WDR19: variants seen among roughly 807,000 people sequenced by gnomAD.
WDR19 encodes the protein WD repeat domain 19.
A neutral mutation model predicts 180.0 loss-of-function variants in WDR19; 121 were observed. The observed-to-expected ratio is 0.67, with a 90% CI of 0.58 to 0.78. WDR19 has a LOEUF of 0.78. Ranked by LOEUF, WDR19 falls within the 30% of genes least tolerant of loss-of-function variation. WDR19 has a pLI of 0.00. For missense variants in WDR19, 1,450 were observed against 1,640.7 expected, an observed-to-expected ratio of 0.88 and a Z score of 2.01; for synonymous variants, 497 against 540.7, an observed-to-expected ratio of 0.92 and a Z score of 1.12.
Position 39,230,512 on chromosome 4 carries a change from A to G in WDR19, c.1983-1285A>G, listed in dbSNP as rs1053411065. ...TGACGTCTCTAAGCCTCATTTTCCT[A>G]ATCTATAAAGGAGACATAATAATAA... is the stretch of plus-strand genomic sequence containing the variant. On this transcript the variant is annotated intron_variant, in intron 17 of 36. Coordinates refer to ENST00000399820, the MANE Select transcript of WDR19 (RefSeq NM_025132.4). Among the ~76,000 whole-genome samples the G allele has an allele frequency of 2.0e-5, 3 of 152,110 alleles. No homozygotes were observed. In the East Asian group the frequency reaches 5.8e-4, roughly 29 times the overall value.
intron 36 of WDR19, among the ~76,000 whole-genome samples, chr4:39,284,513 C>CT (rs913858554): frequency 6.9e-5 from 7 of 101,434 alleles, no homozygotes; most frequent in East Asian, 2.4e-4. Flanking sequence ...TTTTTTTTTT[C>CT]TTTTTTTTAG....
intron 23 of WDR19, 84 bp downstream of exon 23, chr4:39,244,636 C>G (rs1732321582): frequency 6.9e-7 from 1 of 1,446,652 alleles, no homozygotes; most frequent in Non-Finnish European, 9.6e-7. Flanking sequence ...CCTTGCCATG[C>G]TTTCTCTCTG....
intron 17 of WDR19, among the ~76,000 whole-genome samples, chr4:39,229,568 T>A (rs1730629529): frequency 1.3e-5 from 2 of 152,226 alleles, no homozygotes. Context: ...TGTTTTTTTC[T>A]CTTATCTCCT....
chr4:39,194,723 G>T (rs891113496), intron 5 of WDR19, 64 bp downstream of exon 5: 1 of 1,279,028 alleles, frequency 7.8e-7, no homozygotes, highest in Non-Finnish European at 1.1e-6. Flanking sequence ...AAATTCTGCC[G>T]CCTCAGGTTT....
intron 31 of WDR19, among the ~76,000 whole-genome samples, chr4:39,271,680 C>G (rs898511325): frequency 1.3e-5 from 2 of 152,160 alleles, no homozygotes; most frequent in Non-Finnish European, 2.9e-5. Context: ...CATATTTTTT[C>G]AAATATTCAT....
chr4:39,184,077 C>A (rs539527004), intron 1 of WDR19, among the ~76,000 whole-genome samples: 9 of 152,300 alleles, frequency 5.9e-5, no homozygotes, highest in Non-Finnish European at 1.3e-4. Flanking sequence ...CCCACCTCTA[C>A]TTTCAATAGA....
chr4:39,240,905 A>G (rs1577967136), intron 21 of WDR19, among the ~76,000 whole-genome samples: 1 of 151,574 alleles, frequency 6.6e-6, no homozygotes. Context: ...GCAGTGAGCC[A>G]AGATCATGCC....
chr4:39,240,826 C>A (rs925476709), intron 21 of WDR19, among the ~76,000 whole-genome samples: 1 of 151,532 alleles, frequency 6.6e-6, no homozygotes, highest in Admixed American at 6.6e-5. Flanking sequence ...CGTGGTGGTG[C>A]ACGCCTGTAG....
chr4:39,270,677 T>C (rs1410864462), intron 31 of WDR19, among the ~76,000 whole-genome samples: 1 of 151,730 alleles, frequency 6.6e-6, no homozygotes, highest in African/African-American at 2.4e-5. Context: ...CACGCTCAGC[T>C]TTCTTATATT....
intron 5 of WDR19, among the ~76,000 whole-genome samples, chr4:39,197,441 A>AAAAAG (rs1177695114): frequency 7.6e-6 from 1 of 132,282 alleles, no homozygotes. Context: ...AAAAAAAAAA[A>AAAAAG]AAAAGAAAGA....
intron 1 of WDR19, among the ~76,000 whole-genome samples, chr4:39,184,658 A>T (rs1577816325): frequency 6.6e-6 from 1 of 151,936 alleles, no homozygotes; most frequent in Non-Finnish European, 1.5e-5. Context: ...AGTAGAGACG[A>T]GGTTTCGCCA....
chr4:39,253,113 TA>T, intron 24 of WDR19, 32 bp from the exon 25 acceptor site: 2 of 1,545,382 alleles, frequency 1.3e-6, no homozygotes, highest in South Asian at 2.6e-5. Flanking sequence ...TTGACAGTGT[TA>T]AAAAAAGTTT....
At chr4:39,241,502 A>AAAAT (rs1731941784) in intron 21 of WDR19, among the ~76,000 whole-genome samples, 1 of 150,622 alleles carries the variant, frequency 6.6e-6, no homozygotes, top group African/African-American at 2.4e-5. Context: ...TCAAAAAAAA[A>AAAAT]AAAAAAAAGT....
intron 4 of WDR19, among the ~76,000 whole-genome samples, chr4:39,192,950 A>T (rs1381041529): frequency 2.0e-5 from 3 of 152,202 alleles, no homozygotes; most frequent in Non-Finnish European, 2.9e-5. Flanking sequence ...GATGGATTCC[A>T]AAGCCTAGCA....
chr4:39,257,476 C>G lies in WDR19; in HGVS notation c.3115-10C>G. On this transcript the variant is annotated splice_polypyrimidine_tract_variant and intron_variant, in intron 27 of 36. Transcript: ENST00000399820. ...CTGAAAATTTTTAATTGCTGTAATTCGCTTTTCAGGCACTTAAACACTTCC... is the reference window on the plus strand; with the variant it reads ...CTGAAAATTTTTAATTGCTGTAATTGGCTTTTCAGGCACTTAAACACTTCC... 1 of 1,569,358 alleles carries G rather than the reference C, an allele frequency of 6.4e-7. No individual in the cohort carries two copies. Among genetic ancestry groups the G allele is most frequent in the Non-Finnish European group, 8.6e-7 (1 of 1,156,346 alleles).
Position 39,189,777 on chromosome 4 carries a change from A to G in WDR19, c.286A>G (p.Met96Val), listed in dbSNP as rs371675778. ...TNKTSQLDNG[M>V]RDQMSFLLWS... ...TAAGACCAGCCAGTTAGACAATGGCATGAGGTAAGATAACTTTTTAATTTT... is the reference window on the plus strand; with the variant it reads ...TAAGACCAGCCAGTTAGACAATGGCGTGAGGTAAGATAACTTTTTAATTTT... The change falls in exon 4 of 37, where the codon ATG becomes GTG. Residue 96 changes from methionine (M) to valine (V), a missense_variant. Coordinates refer to ENST00000399820, the MANE Select transcript of WDR19 (RefSeq NM_025132.4). 3 of 1,595,664 alleles carry G rather than the reference A, an allele frequency of 1.9e-6. No individual in the cohort carries two copies. Among genetic ancestry groups the G allele is most frequent in the Non-Finnish European group, 2.6e-6 (3 of 1,174,806 alleles).
At chr4:39,218,225 G>A in intron 14 of WDR19, 120 bp downstream of exon 14, 1 of 1,231,430 alleles carries the variant, frequency 8.1e-7, no homozygotes, top group Non-Finnish European at 1.1e-6. Context: ...AATTAATGAA[G>A]TTATCTGTGA....
chr4:39,242,857 A>C (rs13115584), intron 21 of WDR19, among the ~76,000 whole-genome samples: 1 of 151,822 alleles, frequency 6.6e-6, no homozygotes, highest in East Asian at 2.0e-4. Context: ...TGGTAGAGAC[A>C]GGGTTTTGCC....
chr4:39,278,067 ATT>A lies in WDR19; in HGVS notation c.3841-63_3841-62del. On this transcript the variant is annotated intron_variant, in intron 34 of 36. Coordinates refer to ENST00000399820, the MANE Select transcript of WDR19 (RefSeq NM_025132.4). ...AGATTCCGTCAAAAAAAAAAAAAAA[ATT>A]GACTAACAGTGGGAGTTTTTAAAAT... 3 of 1,399,022 alleles carry A rather than the reference ATT, an allele frequency of 2.1e-6. No individual in the cohort carries two copies. In the Admixed American group the frequency reaches 6.8e-5, roughly 32 times the overall value. 86.7% of individuals were successfully genotyped at this position (1,399,022 alleles called of 1,614,324 possible).
Sources: gnomAD v4.1 joint callset for allele counts (sites outside exome capture counted in the v4.1 genomes callset) on GRCh38, gnomAD v4.1.1 for gene constraint, MANE v1.5 for transcripts, NCBI Gene and HGNC (gene_info 2026-07-23, HGNC 2026-07-21) for gene names.